Variants in PLCB1 observed in about 807,000 individuals in gnomAD.
PLCB1 encodes the protein phospholipase C beta 1.
PLCB1 carries 46 observed loss-of-function variants against 161.8 expected under a neutral mutation model. The ratio of observed to expected loss-of-function variants is 0.28; its 90% CI spans 0.22 to 0.36. The LOEUF is 0.36. Ranked by LOEUF, PLCB1 falls within the 10% of genes least tolerant of loss-of-function variation. The pLI, the probability that PLCB1 is intolerant of heterozygous loss-of-function variation, is 1.00. For synonymous variants in PLCB1, 517 were observed against 503.7 expected (o/e 1.03, Z -0.35); for missense variants, 1,016 against 1,472.5 (o/e 0.69, Z 5.07).
At chr20:8,230,606 G>C (rs1310174524) in intron 2 of PLCB1, among the ~76,000 whole-genome samples, 4 of 152,038 alleles carry the variant, frequency 2.6e-5, no homozygotes, top group Non-Finnish European at 5.9e-5. Flanking sequence ...TTAGCCACAT[G>C]TGTTTATTTC....
chr20:8,383,047 G>A (rs1287766715), intron 3 of PLCB1, among the ~76,000 whole-genome samples: 1 of 152,110 alleles, frequency 6.6e-6, no homozygotes, highest in Admixed American at 6.5e-5. Context: ...TATCTGTTAG[G>A]TCCCGTTGAT....
At chr20:8,199,614 G>A (rs1325763254) in intron 2 of PLCB1, among the ~76,000 whole-genome samples, 1 of 151,892 alleles carries the variant, frequency 6.6e-6, no homozygotes, top group Non-Finnish European at 1.5e-5. Context: ...TAATTAGTTT[G>A]TATGTGAGAT....
intron 2 of PLCB1, among the ~76,000 whole-genome samples, chr20:8,153,839 G>A (rs535831570): frequency 6.6e-6 from 1 of 152,208 alleles, no homozygotes; most frequent in East Asian, 1.9e-4. Context: ...GAAAAGGAAT[G>A]GGAGGAAGAA....
chr20:8,312,902 G>A (rs554641991), intron 2 of PLCB1, among the ~76,000 whole-genome samples: 1 of 152,094 alleles, frequency 6.6e-6, no homozygotes, highest in East Asian at 1.9e-4. Flanking sequence ...CGTTTGAAGA[G>A]TGGCTGTCCT....
intron 3 of PLCB1, among the ~76,000 whole-genome samples, chr20:8,466,173 G>A (rs1232720): frequency 2.6e-5 from 4 of 151,712 alleles, no homozygotes; most frequent in Non-Finnish European, 5.9e-5. Flanking sequence ...TGTCCTTTGT[G>A]GGGACATGGA....
chr20:8,190,765 C>T (rs1405819783), intron 2 of PLCB1, among the ~76,000 whole-genome samples: 4 of 152,066 alleles, frequency 2.6e-5, no homozygotes, highest in Non-Finnish European at 5.9e-5. Flanking sequence ...AACTAGAGGC[C>T]TGGAGATGTT....
intron 3 of PLCB1, among the ~76,000 whole-genome samples, chr20:8,465,575 T>G (rs1031563566): frequency 6.6e-6 from 1 of 152,164 alleles, no homozygotes; most frequent in Non-Finnish European, 1.5e-5. Flanking sequence ...TGGAAGCTCA[T>G]GGTTGCCAAG....
intron 1 of PLCB1, among the ~76,000 whole-genome samples, chr20:8,139,015 CT>C (rs770595715): frequency 5.4e-4 from 79 of 147,256 alleles, no homozygotes; most frequent in Admixed American, 2.6e-3. Flanking sequence ...TTTATTTATA[CT>C]AAAATTATTT....
chr20:8,137,950 A>T (rs2051365418), intron 1 of PLCB1, among the ~76,000 whole-genome samples: 1 of 152,380 alleles, frequency 6.6e-6, no homozygotes, highest in South Asian at 2.1e-4. Context: ...CAGTCAGTTT[A>T]GATGGCCATT....
rs76115176 is a variant in PLCB1 at position 8,756,963 on chromosome 20, A to G, written c.2524-83A>G. 13,058 of 1,297,828 alleles carry G rather than the reference A, an allele frequency of 0.01. 617 individuals are homozygous for G. The African/African-American group carries it at 0.13, about 13-fold the overall frequency. 80.4% of individuals were successfully genotyped at this position (1,297,828 alleles called of 1,614,324 possible). A position where few individuals can be genotyped will look rare whatever the true frequency, so the allele number is the denominator to read the frequency against. ...ACTCCAAAAGAATTGTGAAGATGCT[A>G]TAAAATGTAGCCTTGTTGGTTTAGG... On this transcript the variant is annotated intron_variant, in intron 23 of 31. Coordinates refer to ENST00000338037, the MANE Select transcript of PLCB1 (RefSeq NM_015192.4).
At chr20:8,230,081 AAAAG>A in intron 2 of PLCB1, among the ~76,000 whole-genome samples, 1 of 136,628 alleles carries the variant, frequency 7.3e-6, no homozygotes, top group Non-Finnish European at 1.5e-5. Flanking sequence ...AAAAAAAAAA[AAAAG>A]AAATCTGAAA....
At chr20:8,601,141 T>C (rs987032474) in intron 3 of PLCB1, among the ~76,000 whole-genome samples, 6 of 152,058 alleles carry the variant, frequency 3.9e-5, no homozygotes, top group Non-Finnish European at 5.9e-5. Flanking sequence ...CTATACAAAA[T>C]ATAAGGAGCA....
At chr20:8,678,595 ATTC>A (rs1386700862) in intron 9 of PLCB1, among the ~76,000 whole-genome samples, 1 of 151,970 alleles carries the variant, frequency 6.6e-6, no homozygotes, top group Non-Finnish European at 1.5e-5. Context: ...TGTTTTTCCT[ATTC>A]TTGTCTCCTG....
At chr20:8,239,225 C>T (rs746402421) in intron 2 of PLCB1, among the ~76,000 whole-genome samples, 9 of 151,792 alleles carry the variant, frequency 5.9e-5, no homozygotes, top group African/African-American at 1.9e-4. Context: ...ATATGTGGTC[C>T]GATGAGTATT....
chr20:8,277,516 A>G (rs1363502387), intron 2 of PLCB1, among the ~76,000 whole-genome samples: 1 of 152,130 alleles, frequency 6.6e-6, no homozygotes, highest in Non-Finnish European at 1.5e-5. Flanking sequence ...TATAAATGCT[A>G]CTTTAATATA....
chr20:8,258,738 C>T (rs1981546649), intron 2 of PLCB1, among the ~76,000 whole-genome samples: 2 of 151,920 alleles, frequency 1.3e-5, no homozygotes, highest in Admixed American at 1.3e-4. Flanking sequence ...TTTAAAATTT[C>T]GATTAGTGTT....
intron 31 of PLCB1, among the ~76,000 whole-genome samples, chr20:8,800,317 G>C (rs551172867): frequency 6.6e-6 from 1 of 152,146 alleles, no homozygotes; most frequent in African/African-American, 2.4e-5. Context: ...TACATTTTCT[G>C]TCAACAGAAA....
At chr20:8,525,646 A>G (rs1326153793) in intron 3 of PLCB1, among the ~76,000 whole-genome samples, 1 of 152,192 alleles carries the variant, frequency 6.6e-6, no homozygotes, top group Non-Finnish European at 1.5e-5. Flanking sequence ...TGTTTTTACC[A>G]ACAATTGGTT....
At chr20:8,611,060 A>C (rs903468462) in intron 3 of PLCB1, among the ~76,000 whole-genome samples, 2 of 151,970 alleles carry the variant, frequency 1.3e-5, no homozygotes, top group African/African-American at 4.8e-5. Flanking sequence ...TCAACCTAGG[A>C]TTTATATTAG....
Sources: allele counts gnomAD v4.1 joint callset (sites outside exome capture counted in the v4.1 genomes callset), GRCh38; gene constraint gnomAD v4.1.1; transcripts MANE v1.5; gene names NCBI Gene and HGNC (gene_info 2026-07-23, HGNC 2026-07-21).